PCNX4: variants seen among roughly 807,000 people sequenced by gnomAD.
The protein encoded by PCNX4 is pecanex-like protein 4.
PCNX4 carries 103 observed loss-of-function variants against 107.2 expected under a neutral mutation model. The ratio of observed to expected loss-of-function variants is 0.96; its 90% CI spans 0.82 to 1.13. PCNX4 has a LOEUF of 1.13. Among genes scored for constraint, PCNX4 ranks in the 50% most tolerant of loss-of-function variants. The pLI is 0.00. For missense variants in PCNX4, 1,528 were observed against 1,379.4 expected (o/e 1.11, Z -1.71); for synonymous variants, 541 against 481.7 (o/e 1.12, Z -1.61).
At chr14:60,102,087 T>TTGC (rs1895543217) in intron 1 of PCNX4, among the ~76,000 whole-genome samples, 1 of 151,952 alleles carries the variant, frequency 6.6e-6, no homozygotes, top group South Asian at 2.1e-4. Flanking sequence ...AAATAGGGAG[T>TTGC]TGCTATTCAA....
intron 1 of PCNX4, among the ~76,000 whole-genome samples, chr14:60,092,888 T>G (rs1176847478): frequency 6.6e-6 from 1 of 152,238 alleles, no homozygotes; most frequent in Non-Finnish European, 1.5e-5. Flanking sequence ...AATCGGAAGT[T>G]GTTTTCCATG....
rs563000623 is a variant in PCNX4 at position 60,104,764 on chromosome 14, C to A, written c.-53-2822C>A. Among the ~76,000 whole-genome samples the A allele has an allele frequency of 3.3e-5, 5 of 152,236 alleles. No individual in the cohort carries two copies. The South Asian group carries it at 1.0e-3, about 32-fold the overall frequency. ...TACCACAAGAACAGTATGGGGGAAA[C>A]CACCCCCATGATTCAATTATCTCCC... is the stretch of plus-strand genomic sequence containing the variant. On this transcript the variant is annotated intron_variant, in intron 1 of 10. Transcript: ENST00000406854.
In PCNX4 at chr14:60,115,633, TA is replaced by T; in HGVS notation, c.1358-80del. 2.9e-6 allele frequency: 4 copies of T among 1,384,922 alleles called. No individual in the cohort carries two copies. The South Asian group carries it at 5.3e-5, about 18-fold the overall frequency. 85.8% of individuals were successfully genotyped at this position (1,384,922 alleles called of 1,614,324 possible). A position where few individuals can be genotyped will look rare whatever the true frequency, so the allele number is the denominator to read the frequency against. ...TTAGTTCATCGCTTAAATGTGCTCA[TA>T]AAAAATGTGTATTTGCCAGAATAAA... On this transcript the variant is annotated intron_variant, in intron 4 of 10. Coordinates refer to ENST00000406854, the MANE Select transcript of PCNX4 (RefSeq NM_001330177.2).
At position 60,118,385 on chromosome 14, in the gene PCNX4, G is replaced by A. The variant is rs192298073; in HGVS notation, c.1635G>A (p.Val545=). The A allele has an allele frequency of 1.9e-6, 3 of 1,613,350 alleles. No homozygotes were observed. The highest frequency in any genetic ancestry group is 1.7e-5 in the Admixed American group (1 of 59,838). ...TCATCTCTAAATTGCAGTTTGCCGTGACTGTGCTTTTGACATCATGGACAG... is the reference window on the plus strand; with the variant it reads ...TCATCTCTAAATTGCAGTTTGCCGTAACTGTGCTTTTGACATCATGGACAG... ...IQFISKLQFA[V]TVLLTSWTEK... is the part of the protein sequence containing the mutation. Residue 545 remains valine (V), a synonymous_variant, in exon 7 of 11, where the codon GTG becomes GTA. Coordinates refer to ENST00000406854, the MANE Select transcript of PCNX4 (RefSeq NM_001330177.2).
Position 60,124,308 on chromosome 14 carries a change from A to G in PCNX4, c.2137A>G (p.Arg713Gly), listed in dbSNP as rs990135458. The change falls in exon 9 of 11, where the codon AGA becomes GGA. Residue 713 changes from arginine to glycine, a missense_variant. Transcript: ENST00000406854. ...AGATGCTTTTGAGCAAGAATACACA[A>G]GAGTATGTTCCCTTAATGAACACTT... The part of the protein sequence containing the change: ...FEDAFEQEYT[R>G]VCSLNEHFGN... 1 of 1,610,860 alleles carries G rather than the reference A, an allele frequency of 6.2e-7. No homozygotes were observed. Among genetic ancestry groups the G allele is most frequent in the South Asian group, 1.1e-5 (1 of 90,666 alleles).
At chr14:60,112,432 A>G (rs1895756765) in intron 2 of PCNX4, among the ~76,000 whole-genome samples, 1 of 152,198 alleles carries the variant, frequency 6.6e-6, no homozygotes, top group African/African-American at 2.4e-5. Context: ...CAGAAGTATT[A>G]TAATTTAAGT....
At position 60,144,955 on chromosome 14, in the gene PCNX4, A is replaced by G. The variant is rs779691850; in HGVS notation, c.*10734A>G. On this transcript the variant is annotated 3_prime_UTR_variant, in exon 11 of 11. Coordinates refer to ENST00000406854, the MANE Select transcript of PCNX4 (RefSeq NM_001330177.2). ...CTCCCTCCAGTGGCTTGAAAAGTAC[A>G]GGTGCTCTTTTCAGTCATGTTTTGT... 3 of 1,603,434 alleles carry G rather than the reference A, an allele frequency of 1.9e-6. No individual in the cohort carries two copies. In the South Asian group the frequency reaches 3.3e-5, roughly 18 times the overall value.
Position 60,124,937 on chromosome 14 carries a change from C to T in PCNX4, c.2766C>T (p.Pro922=), listed in dbSNP as rs145116109. 16 of 1,613,740 alleles carry T rather than the reference C, an allele frequency of 9.9e-6. No individual in the cohort carries two copies. The African/African-American group carries it at 1.5e-4, about 15-fold the overall frequency. Reference sequence around the variant, plus strand: ...CAGAGTGGAGGACTAGCTGTATGCCCAGTTCCAAAATGAAGGAGATGAGCT... The same window carrying T: ...CAGAGTGGAGGACTAGCTGTATGCCTAGTTCCAAAATGAAGGAGATGAGCT... ...LPAEWRTSCM[P]SSKMKEMSSL... is the part of the protein sequence containing the mutation. The change falls in exon 9 of 11, where the codon CCC becomes CCT. Residue 922 remains proline, a synonymous_variant. Coordinates refer to ENST00000406854, the MANE Select transcript of PCNX4 (RefSeq NM_001330177.2).
At chr14:60,094,151 T>G (rs77969919) in intron 1 of PCNX4, among the ~76,000 whole-genome samples, 1 of 152,172 alleles carries the variant, frequency 6.6e-6, no homozygotes, top group African/African-American at 2.4e-5. Flanking sequence ...CTATAGGTTG[T>G]TCTCACTTTC....
intron 7 of PCNX4, 35 bp from the exon 8 acceptor site, chr14:60,121,161 C>CTTTTTTTTTTTTTTTTT (rs747483127): frequency 1.0e-5 from 11 of 1,103,162 alleles, no homozygotes; most frequent in South Asian, 5.3e-5. Flanking sequence ...AAATGATTTT[C>CTTTTTTTTTTTTTTTTT]TTTTTTTTTT....
chr14:60,092,576 A>G (rs934663469), intron 1 of PCNX4, among the ~76,000 whole-genome samples, 157 bp downstream of exon 1: 1 of 152,232 alleles, frequency 6.6e-6, no homozygotes, highest in African/African-American at 2.4e-5. Flanking sequence ...ATTGCGCTTA[A>G]TGAACTCAGT....
rs1389962615 is a variant in PCNX4, at chr14:60,147,420, CAT to C, written c.*13200_*13201del. On this transcript the variant is annotated 3_prime_UTR_variant, in exon 11 of 11. Coordinates refer to ENST00000406854, the MANE Select transcript of PCNX4 (RefSeq NM_001330177.2). ...CACACAAAAAAAGGTAACTGGGTGA[CAT>C]GTATTAATTAGCTTGATTGTGGTAA... is the stretch of plus-strand genomic sequence containing the variant. The C allele has an allele frequency of 3.9e-5, 6 of 152,194 alleles. No homozygotes were observed. Among genetic ancestry groups the C allele is most frequent in the African/African-American group, 1.4e-4 (6 of 41,528 alleles). 9.4% of individuals were successfully genotyped at this position (152,194 alleles called of 1,614,324 possible).
At chr14:60,102,639 G>A (rs1198549625) in intron 1 of PCNX4, among the ~76,000 whole-genome samples, 1 of 152,098 alleles carries the variant, frequency 6.6e-6, no homozygotes, top group Non-Finnish European at 1.5e-5. Context: ...TTAAATTAGT[G>A]TTGTGATGTC....
chr14:60,124,421 T>A lies in PCNX4; in HGVS notation c.2250T>A (p.His750Gln). ...TTCTATCAGGCATAATTGATTCTCATGAAAACTTAAAAGAATTTAAAGGTG... is the reference window on the plus strand; with the variant it reads ...TTCTATCAGGCATAATTGATTCTCAAGAAAACTTAAAAGAATTTAAAGGTG... ...RNVLSGIIDS[H>Q]ENLKEFKGDL... Residue 750 changes from histidine to glutamine, a missense_variant, in exon 9 of 11, where the codon CAT becomes CAA. Transcript: ENST00000406854. The A allele has an allele frequency of 6.2e-7, 1 of 1,613,640 alleles. No individual in the cohort carries two copies. The highest frequency in any genetic ancestry group is 8.5e-7 in the Non-Finnish European group (1 of 1,179,698).
rs575333688 is a variant in PCNX4 at position 60,141,517 on chromosome 14, C to T, written c.*7296C>T. Reference sequence around the variant, plus strand: ...AACTTTCGGCTTATACACATGACAACTTAGAAGAAATAATCTGATTCTTGA... The same window carrying T: ...AACTTTCGGCTTATACACATGACAATTTAGAAGAAATAATCTGATTCTTGA... On this transcript the variant is annotated 3_prime_UTR_variant, in exon 11 of 11. Coordinates refer to ENST00000406854, the MANE Select transcript of PCNX4 (RefSeq NM_001330177.2). 6.6e-6 allele frequency: 1 copy of T among 152,264 alleles called. No homozygotes were observed. The highest frequency in any genetic ancestry group is 1.9e-4 in the East Asian group (1 of 5,190). 9.4% of individuals were successfully genotyped at this position (152,264 alleles called of 1,614,324 possible). A position where few individuals can be genotyped will look rare whatever the true frequency, so the allele number is the denominator to read the frequency against.
intron 1 of PCNX4, among the ~76,000 whole-genome samples, chr14:60,106,490 C>T (rs1307482692): frequency 6.6e-6 from 1 of 152,162 alleles, no homozygotes; most frequent in Admixed American, 6.5e-5. Context: ...CCCACAGACA[C>T]GGAGGGCCAG....
chr14:60,107,902 G>T lies in PCNX4; in HGVS notation c.264G>T (p.Gln88His). The T allele has an allele frequency of 1.2e-6, 2 of 1,612,848 alleles. No homozygotes were observed. The highest frequency in any genetic ancestry group is 1.1e-5 in the South Asian group (1 of 91,078). ...TGCTTTTTACTGCATTTGTCATCCA[G>T]TTCACAAGTTTATACGCCAAAAACA... ...GLMLFTAFVI[Q>H]FTSLYAKNKS... The change falls in exon 2 of 11, where the codon CAG becomes CAT. Residue 88 changes from glutamine (Q) to histidine (H), a missense_variant. Coordinates refer to ENST00000406854, the MANE Select transcript of PCNX4 (RefSeq NM_001330177.2).
At chr14:60,130,174 A>T (rs1286726376) in intron 10 of PCNX4, among the ~76,000 whole-genome samples, 11 of 151,604 alleles carry the variant, frequency 7.3e-5, no homozygotes, top group Admixed American at 7.2e-4. Flanking sequence ...CTTGTCTCTT[A>T]AAAAAAATAA....
chr14:60,113,579 G>C (rs1019037735), intron 2 of PCNX4, among the ~76,000 whole-genome samples: 1 of 152,052 alleles, frequency 6.6e-6, no homozygotes, highest in Non-Finnish European at 1.5e-5. Context: ...ATGTTGGCCA[G>C]GCTGGTCTCG....
Sources: allele counts gnomAD v4.1 joint callset (sites outside exome capture counted in the v4.1 genomes callset), GRCh38; gene constraint gnomAD v4.1.1; transcripts MANE v1.5; gene names NCBI Gene and HGNC (gene_info 2026-07-23, HGNC 2026-07-21).